The following ADAM18 variants were observed in gnomAD, a reference collection of about 807,000 sequenced individuals.
ADAM18 encodes ADAM metallopeptidase domain 18, also known as disintegrin and metalloproteinase domain-containing protein 18.
A neutral mutation model predicts 94.4 loss-of-function variants in ADAM18; 117 were observed. That is an observed-to-expected ratio of 1.24 (90% CI 1.07 to 1.45). The LOEUF is 1.45. ADAM18 is among the 40% of genes most tolerant of loss of function. The pLI is 0.00. For synonymous variants in ADAM18, 327 were observed against 291.6 expected (o/e 1.12, Z -1.24); for missense variants, 936 against 880.0 (o/e 1.06, Z -0.81).
intron 17 of ADAM18, among the ~76,000 whole-genome samples, chr8:39,704,634 T>C (rs1822188994): frequency 1.3e-5 from 2 of 152,136 alleles, no homozygotes; most frequent in Admixed American, 1.3e-4. Context: ...ATTTAAACAT[T>C]TGTTTATTTT....
rs1294320865 is a variant in ADAM18, at chr8:39,585,075, C to CT, written c.56-194dup. Among the ~76,000 whole-genome samples the CT allele has an allele frequency of 1.3e-4, 20 of 151,504 alleles. No individual in the cohort carries two copies. In the South Asian group the frequency reaches 3.5e-3, roughly 27 times the overall value. On this transcript the variant is annotated intron_variant, in intron 1 of 19. Coordinates refer to ENST00000265707, the MANE Select transcript of ADAM18 (RefSeq NM_014237.3). ...GAACTGCAATGTCTAATTTTTTTTT[C>CT]TTTTTTTGTGTCTTAGCCATTTTCA...
chr8:39,606,903 A>T (rs531913650), intron 3 of ADAM18, among the ~76,000 whole-genome samples: 1 of 152,196 alleles, frequency 6.6e-6, no homozygotes, highest in South Asian at 2.1e-4. Context: ...CAGTGGGGGA[A>T]CTTCTGAGCC....
At chr8:39,707,358 C>T (rs1344155808) in intron 18 of ADAM18, among the ~76,000 whole-genome samples, 2 of 152,168 alleles carry the variant, frequency 1.3e-5, no homozygotes, top group Non-Finnish European at 1.5e-5. Context: ...ATGGCTCACT[C>T]ATTTCAGGGA....
chr8:39,600,501 T>A (rs981148349), intron 2 of ADAM18, among the ~76,000 whole-genome samples: 2 of 152,230 alleles, frequency 1.3e-5, no homozygotes, highest in African/African-American at 4.8e-5. Flanking sequence ...TGTGTTTATT[T>A]CATCTTGGTG....
At chr8:39,631,434 G>A (rs1030100776) in intron 7 of ADAM18, among the ~76,000 whole-genome samples, 1 of 151,802 alleles carries the variant, frequency 6.6e-6, no homozygotes, top group South Asian at 2.1e-4. Context: ...CTCCACTTAC[G>A]GAAAATGTCT....
intron 12 of ADAM18, 47 bp downstream of exon 12, chr8:39,648,574 TA>T: frequency 6.6e-7 from 1 of 1,509,320 alleles, no homozygotes; most frequent in Non-Finnish European, 9.0e-7. Flanking sequence ...ATGTTTCTGA[TA>T]AAACATAAGA....
intron 18 of ADAM18, among the ~76,000 whole-genome samples, chr8:39,717,439 C>CGG (rs1398332260): frequency 1.3e-5 from 2 of 151,670 alleles, no homozygotes; most frequent in African/African-American, 4.8e-5. Flanking sequence ...AATTTTTTAT[C>CGG]CTGACATTTT....
At chr8:39,702,401 T>C (rs1230243359) in intron 17 of ADAM18, among the ~76,000 whole-genome samples, 1 of 152,210 alleles carries the variant, frequency 6.6e-6, no homozygotes, top group Non-Finnish European at 1.5e-5. Context: ...CTTTTTCAGA[T>C]ACATAGTTTG....
intron 15 of ADAM18, among the ~76,000 whole-genome samples, chr8:39,679,746 G>A (rs1821391185): frequency 6.6e-6 from 1 of 152,180 alleles, no homozygotes; most frequent in Admixed American, 6.5e-5. Context: ...AATTCTCCCA[G>A]AGTGCGGTAA....
At chr8:39,591,390 T>G (rs1818566592) in intron 2 of ADAM18, among the ~76,000 whole-genome samples, 1 of 152,222 alleles carries the variant, frequency 6.6e-6, no homozygotes, top group African/African-American at 2.4e-5. Context: ...TGCCACTGCT[T>G]TATCAACTAA....
chr8:39,665,452 C>T (rs535372895), intron 13 of ADAM18, among the ~76,000 whole-genome samples: 2 of 152,198 alleles, frequency 1.3e-5, no homozygotes, highest in East Asian at 3.9e-4. Context: ...TTTCACTTAG[C>T]TAGATACCTA....
At chr8:39,637,019 T>TTATATA (rs35248371) in intron 7 of ADAM18, among the ~76,000 whole-genome samples, 8 of 54,850 alleles carry the variant, frequency 1.5e-4, no homozygotes, top group Admixed American at 4.0e-4. Flanking sequence ...TGTGTGTATT[T>TTATATA]TATATATATA....
intron 13 of ADAM18, among the ~76,000 whole-genome samples, chr8:39,667,058 A>T (rs756942600): frequency 2.0e-5 from 3 of 152,120 alleles, no homozygotes; most frequent in Admixed American, 6.6e-5. Context: ...TGATGCAAGG[A>T]GGCGTTTATG....
At chr8:39,608,218 G>A (rs1819150231) in intron 3 of ADAM18, among the ~76,000 whole-genome samples, 1 of 151,772 alleles carries the variant, frequency 6.6e-6, no homozygotes, top group South Asian at 2.1e-4. Flanking sequence ...AATATATCCA[G>A]AATTAGACCT....
chr8:39,730,029 T>C lies in ADAM18; in HGVS notation c.*89T>C. On this transcript the variant is annotated 3_prime_UTR_variant, in exon 20 of 20. Transcript: ENST00000265707. ...CGTTATCCCCAATGCATTGTAAATG[T>C]CAAACTTTTGGAAAATAAAGCCTGC... 1 of 1,390,730 alleles carries C rather than the reference T, an allele frequency of 7.2e-7. No individual in the cohort carries two copies. Among genetic ancestry groups the C allele is most frequent in the Non-Finnish European group, 1.0e-6 (1 of 983,398 alleles). The allele number at this position is 1,390,730 out of a possible 1,614,324, so 86.1% of individuals were successfully genotyped here.
At chr8:39,634,869 G>A (rs2129579217) in intron 7 of ADAM18, among the ~76,000 whole-genome samples, 1 of 152,242 alleles carries the variant, frequency 6.6e-6, no homozygotes. Context: ...TATTTGGATG[G>A]GATGAAGGTA....
At chr8:39,625,286 T>G (rs1458871055) in intron 6 of ADAM18, among the ~76,000 whole-genome samples, 2 of 152,138 alleles carry the variant, frequency 1.3e-5, no homozygotes, top group Admixed American at 1.3e-4. Flanking sequence ...TTTTATTTTA[T>G]TTTTGCAGCT....
At chr8:39,652,735 T>C (rs917053918) in intron 12 of ADAM18, among the ~76,000 whole-genome samples, 2 of 152,254 alleles carry the variant, frequency 1.3e-5, no homozygotes, top group Admixed American at 1.3e-4. Flanking sequence ...GTCTGCACTT[T>C]CATTTTAATT....
chr8:39,607,815 T>G (rs1381759622), intron 3 of ADAM18, among the ~76,000 whole-genome samples: 1 of 79,024 alleles, frequency 1.3e-5, no homozygotes, highest in Non-Finnish European at 2.8e-5. Flanking sequence ...GCATTCTGGT[T>G]TTTTTTTTTC....
Sources: allele counts gnomAD v4.1 joint callset (sites outside exome capture counted in the v4.1 genomes callset), GRCh38; gene constraint gnomAD v4.1.1; transcripts MANE v1.5; gene names NCBI Gene and HGNC (gene_info 2026-07-23, HGNC 2026-07-21).